Variants in CCDC93 observed in about 807,000 individuals in gnomAD.
The protein encoded by CCDC93 is CCC complex scaffolding subunit CCDC93.
CCDC93 carries 61 observed loss-of-function variants against 108.2 expected under a neutral mutation model. That is an observed-to-expected ratio of 0.56 (90% CI 0.46 to 0.70). The LOEUF is 0.70. Among genes scored for constraint, CCDC93 ranks in the 30% least tolerant of loss-of-function variants. The pLI, the probability that CCDC93 is intolerant of heterozygous loss-of-function variation, is 0.00. For synonymous variants in CCDC93, 276 were observed against 260.4 expected, an observed-to-expected ratio of 1.06 and a Z score of -0.58; for missense variants, 685 against 764.2, an observed-to-expected ratio of 0.90 and a Z score of 1.22.
chr2:117,941,316 CAG>C lies in CCDC93; in HGVS notation c.1414-21_1414-20del. ...TTCGAGCCTAAATGCAAAAGGGAGA[CAG>C]AGACAGTACTATTTGGTAAAAGGCC... On this transcript the variant is annotated intron_variant, in intron 18 of 23. Coordinates refer to ENST00000376300, the MANE Select transcript of CCDC93 (RefSeq NM_019044.5). 1.9e-6 allele frequency: 3 copies of C among 1,592,596 alleles called. No homozygotes were observed. Among genetic ancestry groups the C allele is most frequent in the South Asian group, 2.2e-5 (2 of 90,580 alleles).
At chr2:117,951,714 AG>A in intron 13 of CCDC93, 1 of 999,082 alleles carries the variant, frequency 1.0e-6, no homozygotes. Flanking sequence ...GTGGAAACCA[AG>A]GAACAGAAAT....
chr2:117,941,111 C>A, intron 19 of CCDC93, 78 bp downstream of exon 19: 1 of 994,960 alleles, frequency 1.0e-6, no homozygotes, highest in Non-Finnish European at 1.6e-6. Context: ...GGTGCATGCT[C>A]CCCCATGCTA....
intron 17 of CCDC93, among the ~76,000 whole-genome samples, chr2:117,945,074 T>C (rs1019807110): frequency 1.3e-5 from 2 of 152,186 alleles, no homozygotes; most frequent in Non-Finnish European, 2.9e-5. Context: ...AGATCAACTA[T>C]GGTCACTACA....
At chr2:118,000,987 CATCTCTA>C in intron 3 of CCDC93, 55 bp from the exon 4 acceptor site, 1 of 1,063,844 alleles carries the variant, frequency 9.4e-7, no homozygotes. Context: ...GCCTTTATGG[CATCTCTA>C]AAGTCTGGGC....
At chr2:117,980,672 C>CT (rs1327341727) in intron 7 of CCDC93, among the ~76,000 whole-genome samples, 1 of 152,152 alleles carries the variant, frequency 6.6e-6, no homozygotes, top group South Asian at 2.1e-4. Context: ...GCTTCATTCA[C>CT]TTTAAAAAAA....
chr2:117,996,481 A>G (rs1023945681), intron 4 of CCDC93, 119 bp from the exon 5 acceptor site: 14 of 665,112 alleles, frequency 2.1e-5, no homozygotes, highest in East Asian at 5.4e-5. Context: ...TGACTAGGTG[A>G]TAAGAAGCTA....
chr2:118,000,665 TGAC>T, intron 4 of CCDC93, 153 bp downstream of exon 4: 1 of 581,742 alleles, frequency 1.7e-6, no homozygotes, highest in South Asian at 2.2e-5. Context: ...CTTCTGAAGA[TGAC>T]GACAACGAAC....
At chr2:117,923,095 T>C (rs1677934815) in intron 23 of CCDC93, among the ~76,000 whole-genome samples, 1 of 151,696 alleles carries the variant, frequency 6.6e-6, no homozygotes, top group Non-Finnish European at 1.5e-5. Flanking sequence ...AAATGTGAGG[T>C]GAAATATATT....
At chr2:117,958,106 G>A (rs1279824175) in intron 12 of CCDC93, among the ~76,000 whole-genome samples, 1 of 152,088 alleles carries the variant, frequency 6.6e-6, no homozygotes, top group Non-Finnish European at 1.5e-5. Context: ...TTCTGCAAAG[G>A]GCTGGATAGT....
intron 22 of CCDC93, among the ~76,000 whole-genome samples, chr2:117,932,835 A>G (rs1352537103): frequency 6.6e-6 from 1 of 152,202 alleles, no homozygotes; most frequent in Non-Finnish European, 1.5e-5. Flanking sequence ...TCAAAGCAGC[A>G]GACATCTTTT....
intron 5 of CCDC93, among the ~76,000 whole-genome samples, 176 bp downstream of exon 5, chr2:117,996,088 G>A (rs1191670943): frequency 6.6e-6 from 1 of 152,116 alleles, no homozygotes; most frequent in Non-Finnish European, 1.5e-5. Flanking sequence ...AAAATTCAGA[G>A]AAGATGACAA....
At chr2:117,962,899 G>C (rs1259833985) in intron 11 of CCDC93, among the ~76,000 whole-genome samples, 1 of 152,112 alleles carries the variant, frequency 6.6e-6, no homozygotes, top group Non-Finnish European at 1.5e-5. Context: ...ACAGCTGTAA[G>C]AGGGAAAAAA....
At chr2:117,985,341 C>G (rs776392114) in intron 7 of CCDC93, 8 of 377,530 alleles carry the variant, frequency 2.1e-5, no homozygotes, top group African/African-American at 1.8e-4. Flanking sequence ...CAGAGCAGCA[C>G]ACAGGAGCCT....
chr2:117,975,651 T>C (rs900403974), intron 8 of CCDC93, among the ~76,000 whole-genome samples: 3 of 152,224 alleles, frequency 2.0e-5, no homozygotes, highest in Admixed American at 6.5e-5. Context: ...TAGTGGGACA[T>C]AAAAGTAATT....
Position 117,915,998 on chromosome 2 carries a change from T to G in CCDC93, c.*4345A>C, listed in dbSNP as rs969142125. On this transcript the variant is annotated 3_prime_UTR_variant, in exon 24 of 24. Transcript: ENST00000376300. Reference sequence around the variant, plus strand: ...GGTGGCACTCTCCAACTTTTTGCTATTACAATGTTTCAACAAAAACTCTTG... The same window carrying G: ...GGTGGCACTCTCCAACTTTTTGCTAGTACAATGTTTCAACAAAAACTCTTG... 6 of 152,254 alleles carry G rather than the reference T, an allele frequency of 3.9e-5. No homozygotes were observed. The highest frequency in any genetic ancestry group is 1.4e-4 in the African/African-American group (6 of 41,472). 9.4% of individuals were successfully genotyped at this position (152,254 alleles called of 1,614,324 possible).
At chr2:117,943,698 T>G (rs1678777035) in intron 18 of CCDC93, among the ~76,000 whole-genome samples, 1 of 152,262 alleles carries the variant, frequency 6.6e-6, no homozygotes, top group Non-Finnish European at 1.5e-5. Flanking sequence ...TCCCCCATAT[T>G]TGATGTCACT....
At chr2:118,006,643 A>G in intron 3 of CCDC93, 79 bp downstream of exon 3, 2 of 808,338 alleles carry the variant, frequency 2.5e-6, no homozygotes, top group South Asian at 1.4e-5. Context: ...AAAGTGTCCA[A>G]CCAACTTCTG....
chr2:117,973,989 A>G lies in CCDC93; in HGVS notation c.807T>C (p.Arg269=), dbSNP rs1395437298. 1 of 1,606,574 alleles carries G rather than the reference A, an allele frequency of 6.2e-7. No homozygotes were observed. Among genetic ancestry groups the G allele is most frequent in the African/African-American group, 1.3e-5 (1 of 74,736 alleles). ...KMTAMANEES[R]LTASSVGQIV... Reference sequence around the variant, plus strand: ...TCTGGCCCACGGAGCTTGCGGTGAGACGGCTCTGCAAGTATATGGAGGGAA... The same window carrying G: ...TCTGGCCCACGGAGCTTGCGGTGAGGCGGCTCTGCAAGTATATGGAGGGAA... Residue 269 remains arginine (R), a synonymous_variant, in exon 11 of 24, where the codon CGT becomes CGC. Transcript: ENST00000376300.
At position 117,950,709 on chromosome 2, in the gene CCDC93, G is replaced by A. The variant is rs892159654; in HGVS notation, c.1069-1314C>T. The A allele has an allele frequency of 1.9e-5, 19 of 985,252 alleles. 1 individual carries two copies. In the Admixed American group the frequency reaches 2.5e-4, roughly 13 times the overall value. The allele number at this position is 985,252 out of a possible 1,614,324, so 61.0% of individuals were successfully genotyped here. On this transcript the variant is annotated intron_variant, in intron 13 of 23. Transcript: ENST00000376300. ...CCCAGAGGTGAAAAACATTAATTACGCACAGGCTGACCAAATCAAGCTTCT... is the reference window on the plus strand; with the variant it reads ...CCCAGAGGTGAAAAACATTAATTACACACAGGCTGACCAAATCAAGCTTCT...
Sources: allele counts gnomAD v4.1 joint callset (sites outside exome capture counted in the v4.1 genomes callset), GRCh38; gene constraint gnomAD v4.1.1; transcripts MANE v1.5; gene names NCBI Gene and HGNC (gene_info 2026-07-23, HGNC 2026-07-21).